The following TCF12 variants were observed in gnomAD, a reference collection of about 807,000 sequenced individuals.
TCF12 encodes DNA-binding protein HTF4.
Under a neutral mutation model 86.0 loss-of-function variants are expected in TCF12, and 45 were observed. That is an observed-to-expected ratio of 0.52 (90% CI 0.41 to 0.67). The LOEUF is 0.67. Ranked by LOEUF, TCF12 falls within the 30% of genes least tolerant of loss-of-function variation. The pLI is 0.00. For synonymous variants in TCF12, 330 were observed against 299.6 expected, an observed-to-expected ratio of 1.10 and a Z score of -1.05; for missense variants, 881 against 859.9, an observed-to-expected ratio of 1.02 and a Z score of -0.31.
intron 8 of TCF12, among the ~76,000 whole-genome samples, chr15:57,229,477 AG>A (rs1566949917): frequency 6.8e-6 from 1 of 148,016 alleles, no homozygotes; most frequent in African/African-American, 2.5e-5. Flanking sequence ...TGTGAAAGGT[AG>A]GAAACAAACC....
At chr15:57,132,588 C>G (rs1199053059) in intron 5 of TCF12, among the ~76,000 whole-genome samples, 1 of 152,162 alleles carries the variant, frequency 6.6e-6, no homozygotes, top group Non-Finnish European at 1.5e-5. Context: ...GAATTGCCCT[C>G]TGAATTATCA....
At chr15:57,161,571 C>T (rs1267242350) in intron 5 of TCF12, among the ~76,000 whole-genome samples, 1 of 152,000 alleles carries the variant, frequency 6.6e-6, no homozygotes, top group South Asian at 2.1e-4. Context: ...GTATATTTTC[C>T]AATAATATGT....
intron 3 of TCF12, among the ~76,000 whole-genome samples, chr15:57,036,441 AG>A (rs2066511133): frequency 6.6e-6 from 1 of 152,206 alleles, no homozygotes; most frequent in Non-Finnish European, 1.5e-5. Flanking sequence ...TGTTTTCCAG[AG>A]TAGCTGCACC....
intron 3 of TCF12, among the ~76,000 whole-genome samples, chr15:56,925,394 C>A (rs919340781): frequency 2.6e-5 from 4 of 152,122 alleles, no homozygotes; most frequent in Non-Finnish European, 4.4e-5. Flanking sequence ...CATTTAAACA[C>A]AAATTCAAGT....
At chr15:57,094,109 A>C (rs1258513244) in intron 5 of TCF12, among the ~76,000 whole-genome samples, 1 of 152,112 alleles carries the variant, frequency 6.6e-6, no homozygotes, top group African/African-American at 2.4e-5. Flanking sequence ...ACTGGTTTTG[A>C]GCTCCTGGCC....
intron 5 of TCF12, among the ~76,000 whole-genome samples, chr15:57,153,610 A>G (rs1262459715): frequency 2.0e-5 from 3 of 152,228 alleles, no homozygotes; most frequent in African/African-American, 7.2e-5. Flanking sequence ...AATCTAAAAG[A>G]TGGGAGGAAG....
At chr15:57,177,610 G>GAGAGAGAGAGAGAGAA (rs1218067730) in intron 6 of TCF12, among the ~76,000 whole-genome samples, 1 of 145,150 alleles carries the variant, frequency 6.9e-6, no homozygotes. Context: ...TAAAAGGCCA[G>GAGAGAGAGAGAGAGAA]AGAGAGAGAG....
intron 3 of TCF12, among the ~76,000 whole-genome samples, chr15:56,984,310 G>A (rs2063068567): frequency 6.6e-6 from 1 of 150,574 alleles, no homozygotes; most frequent in South Asian, 2.1e-4. Flanking sequence ...TGGAGAGGGA[G>A]AGAAAGGTGG....
chr15:57,126,074 TAAC>T (rs1236350207), intron 5 of TCF12, among the ~76,000 whole-genome samples: 46 of 152,034 alleles, frequency 3.0e-4, no homozygotes, highest in Admixed American at 1.4e-3. Context: ...CTACTAAAAA[TAAC>T]AACAACAACA....
chr15:56,995,032 C>T (rs2063633684), intron 3 of TCF12, among the ~76,000 whole-genome samples: 1 of 151,912 alleles, frequency 6.6e-6, no homozygotes, highest in Non-Finnish European at 1.5e-5. Context: ...CATCTATGAT[C>T]CACTTGAAGA....
At chr15:57,234,244 G>A (rs1483521373) in intron 12 of TCF12, 137 bp downstream of exon 12, 25 of 707,756 alleles carry the variant, frequency 3.5e-5, no homozygotes, top group East Asian at 1.4e-4. Context: ...AGTTATTCTC[G>A]GTTTGTATTG....
At chr15:56,919,565 CGCGCGGAGCACCCGGCGGCG>C (rs1160698649) in intron 1 of TCF12, 9 of 190,386 alleles carry the variant, frequency 4.7e-5, no homozygotes, top group East Asian at 9.9e-5. Context: ...CCGGGCCCGG[CGCGCGGAGCACCCGGCGGCG>C]GCGCGGAGCA....
chr15:57,262,279 C>A, intron 17 of TCF12, 71 bp downstream of exon 17: 2 of 1,099,764 alleles, frequency 1.8e-6, no homozygotes, highest in East Asian at 2.5e-5. Flanking sequence ...ACCTTTCTCA[C>A]AGCTGGATTG....
At chr15:57,079,154 C>G (rs552107485) in intron 4 of TCF12, among the ~76,000 whole-genome samples, 7 of 152,262 alleles carry the variant, frequency 4.6e-5, no homozygotes, top group South Asian at 2.1e-4. Context: ...CTGCTTTTTA[C>G]TTTTAATTAC....
chr15:56,962,394 CTT>C (rs1363597259), intron 3 of TCF12, among the ~76,000 whole-genome samples: 1 of 151,982 alleles, frequency 6.6e-6, no homozygotes, highest in African/African-American at 2.4e-5. Context: ...TCTACTATAA[CTT>C]TTTTTTGTTC....
chr15:56,938,274 C>A (rs935462282), intron 3 of TCF12, among the ~76,000 whole-genome samples: 4 of 151,702 alleles, frequency 2.6e-5, no homozygotes, highest in Non-Finnish European at 5.9e-5. Flanking sequence ...GATTGTCTTG[C>A]CTCAGCCTCC....
intron 13 of TCF12, among the ~76,000 whole-genome samples, chr15:57,245,503 A>G (rs935327): frequency 0.075 from 11,362 of 152,268 alleles, 1,241 homozygotes; most frequent in African/African-American, 0.24. Flanking sequence ...CGAGGTTTCC[A>G]TATCAGCATT....
intron 3 of TCF12, among the ~76,000 whole-genome samples, chr15:57,030,186 T>C (rs1005564523): frequency 2.6e-5 from 4 of 152,188 alleles, no homozygotes; most frequent in African/African-American, 9.7e-5. Context: ...AATTGAGTCG[T>C]GGTCTTGCTC....
In TCF12 at chr15:57,232,583, A is replaced by C. The variant is rs1597485419; in HGVS notation, c.826-129A>C. ...GTTTACCATGCCTTTCTAAAAAATA[A>C]ATGACAATAAGTAGTGCTCTTTAGC... On this transcript the variant is annotated intron_variant, in intron 10 of 20. Coordinates refer to ENST00000333725, the MANE Select transcript of TCF12 (RefSeq NM_207037.2). The C allele has an allele frequency of 1.3e-5, 19 of 1,441,950 alleles. No homozygotes were observed. The East Asian group carries it at 4.2e-4, about 32-fold the overall frequency. The allele number at this position is 1,441,950 out of a possible 1,614,324, so 89.3% of individuals were successfully genotyped here.
Sources: allele counts gnomAD v4.1 joint callset (sites outside exome capture counted in the v4.1 genomes callset), GRCh38; gene constraint gnomAD v4.1.1; transcripts MANE v1.5; gene names NCBI Gene and HGNC (gene_info 2026-07-23, HGNC 2026-07-21).